Variants in C10orf90 observed in about 807,000 individuals in gnomAD.
C10orf90 encodes chromosome 10 open reading frame 90, also known as (E2-independent) E3 ubiquitin-conjugating enzyme FATS.
Under a neutral mutation model 62.5 loss-of-function variants are expected in C10orf90, and 56 were observed. The ratio of observed to expected loss-of-function variants is 0.90; its 90% CI spans 0.72 to 1.12. C10orf90 has a LOEUF of 1.12. Ranked by LOEUF, C10orf90 falls within the 50% of genes most tolerant of loss-of-function variation. The pLI, the probability that C10orf90 is intolerant of heterozygous loss-of-function variation, is 0.00. For synonymous variants in C10orf90, 386 were observed against 340.4 expected, an observed-to-expected ratio of 1.13 and a Z score of -1.47; for missense variants, 970 against 880.4, an observed-to-expected ratio of 1.10 and a Z score of -1.29.
At chr10:126,462,859 G>A in intron 5 of C10orf90, among the ~76,000 whole-genome samples, 1 of 152,204 alleles carries the variant, frequency 6.6e-6, no homozygotes, top group East Asian at 1.9e-4. Flanking sequence ...AAGCCAACTG[G>A]AGTTTTCATG....
At chr10:126,645,950 G>C (rs1249315878) in intron 2 of C10orf90, among the ~76,000 whole-genome samples, 1 of 152,124 alleles carries the variant, frequency 6.6e-6, no homozygotes, top group Non-Finnish European at 1.5e-5. Context: ...TTTTAGAATT[G>C]AATTTGTTAG....
chr10:126,611,999 G>A (rs1845443938), intron 2 of C10orf90, among the ~76,000 whole-genome samples: 1 of 152,180 alleles, frequency 6.6e-6, no homozygotes, highest in Non-Finnish European at 1.5e-5. Flanking sequence ...AACATTCAGT[G>A]GTTCAATCAC....
At chr10:126,520,664 A>G (rs1863696621) in intron 2 of C10orf90, 1 of 152,262 alleles carries the variant, frequency 6.6e-6, no homozygotes, top group South Asian at 2.1e-4. Flanking sequence ...GCAGCTGGAT[A>G]CAACAGGGAT....
chr10:126,443,780 T>C (rs1191823182), intron 7 of C10orf90, among the ~76,000 whole-genome samples: 1 of 152,044 alleles, frequency 6.6e-6, no homozygotes, highest in East Asian at 1.9e-4. Context: ...ATTAGCAAAA[T>C]ACTAGCTAAC....
At chr10:126,502,279 C>T (rs1323655100) in intron 4 of C10orf90, among the ~76,000 whole-genome samples, 1 of 152,210 alleles carries the variant, frequency 6.6e-6, no homozygotes, top group East Asian at 1.9e-4. Context: ...ATTCAAGACT[C>T]CCCTGGTGTC....
chr10:126,458,784 C>A (rs559073268), intron 7 of C10orf90, among the ~76,000 whole-genome samples: 1 of 152,306 alleles, frequency 6.6e-6, no homozygotes, highest in South Asian at 2.1e-4. Context: ...AGTGGTGTGG[C>A]TTCTGTCCCA....
chr10:126,581,302 C>T (rs1844746563), intron 2 of C10orf90, among the ~76,000 whole-genome samples: 1 of 152,194 alleles, frequency 6.6e-6, no homozygotes, highest in African/African-American at 2.4e-5. Flanking sequence ...TGCATTTGAT[C>T]AGCAGTGTTG....
intron 2 of C10orf90, among the ~76,000 whole-genome samples, chr10:126,603,399 C>T (rs550860511): frequency 3.9e-5 from 6 of 152,050 alleles, no homozygotes; most frequent in Non-Finnish European, 5.9e-5. Context: ...TGGGGGTAAC[C>T]GCCCCCATGA....
intron 7 of C10orf90, among the ~76,000 whole-genome samples, chr10:126,446,617 CAAGAAATTCTG>C (rs1339646338): frequency 6.6e-6 from 1 of 152,072 alleles, no homozygotes; most frequent in Non-Finnish European, 1.5e-5. Context: ...ACCTGCTTTA[CAAGAAATTCTG>C]AAGAAGTTTT....
At chr10:126,493,001 T>C (rs572209880) in intron 4 of C10orf90, among the ~76,000 whole-genome samples, 1 of 152,266 alleles carries the variant, frequency 6.6e-6, no homozygotes, top group Admixed American at 6.5e-5. Context: ...TAATAAGGTT[T>C]TTAAAAAGCA....
intron 4 of C10orf90, among the ~76,000 whole-genome samples, chr10:126,468,889 C>T (rs1205253198): frequency 6.6e-6 from 1 of 152,144 alleles, no homozygotes; most frequent in Non-Finnish European, 1.5e-5. Context: ...CCTCCATTGG[C>T]CAGAAAATGT....
intron 2 of C10orf90, among the ~76,000 whole-genome samples, chr10:126,601,840 C>A (rs1845204238): frequency 1.3e-5 from 2 of 152,246 alleles, no homozygotes; most frequent in South Asian, 2.1e-4. Flanking sequence ...TGCCCTGGGG[C>A]GTGCCCTGCC....
At chr10:126,649,071 T>TCC (rs1163113188) in intron 1 of C10orf90, among the ~76,000 whole-genome samples, 108 of 40,762 alleles carry the variant, frequency 2.6e-3, no homozygotes, top group Non-Finnish European at 3.5e-3. Context: ...TCTCTCTCTC[T>TCC]CCCCCCCCCC....
intron 4 of C10orf90, among the ~76,000 whole-genome samples, chr10:126,474,948 G>A (rs578025995): frequency 1.6e-4 from 24 of 152,216 alleles, no homozygotes; most frequent in Non-Finnish European, 3.1e-4. Context: ...AGGACGAGGG[G>A]TGAGGCCAGT....
chr10:126,590,259 C>T (rs746883945), intron 2 of C10orf90, among the ~76,000 whole-genome samples: 1 of 152,158 alleles, frequency 6.6e-6, no homozygotes, highest in African/African-American at 2.4e-5. Context: ...TAACACCCCA[C>T]TGACGATATT....
chr10:126,455,574 C>T (rs1212270697), intron 7 of C10orf90, among the ~76,000 whole-genome samples: 1 of 152,196 alleles, frequency 6.6e-6, no homozygotes, highest in Admixed American at 6.5e-5. Flanking sequence ...TTCCTTCTGT[C>T]ACTGCTAGAG....
intron 2 of C10orf90, among the ~76,000 whole-genome samples, chr10:126,624,306 A>C (rs1460237493): frequency 1.3e-5 from 2 of 152,152 alleles, no homozygotes; most frequent in Non-Finnish European, 2.9e-5. Flanking sequence ...AGATTGTGCC[A>C]CTGCAATCCA....
At chr10:126,595,777 C>A (rs1011032449) in intron 2 of C10orf90, among the ~76,000 whole-genome samples, 1 of 152,120 alleles carries the variant, frequency 6.6e-6, no homozygotes, top group African/African-American at 2.4e-5. Flanking sequence ...AGTGGAGGAG[C>A]CCTGACTGGG....
At chr10:126,653,355 A>G (rs1846328781) in intron 1 of C10orf90, among the ~76,000 whole-genome samples, 1 of 152,218 alleles carries the variant, frequency 6.6e-6, no homozygotes, top group Non-Finnish European at 1.5e-5. Context: ...CTGCTCTATC[A>G]ACAAATTTAT....
Sources: gnomAD v4.1 joint callset for allele counts (sites outside exome capture counted in the v4.1 genomes callset) on GRCh38, gnomAD v4.1.1 for gene constraint, MANE v1.5 for transcripts, NCBI Gene and HGNC (gene_info 2026-07-23, HGNC 2026-07-21) for gene names.